The following PPME1 variants were observed in gnomAD, a reference collection of about 807,000 sequenced individuals.
PPME1 encodes testicular secretory protein Li 39.
In PPME1, 17 loss-of-function variants were observed where a neutral mutation model predicts 56.9. That is an observed-to-expected ratio of 0.30 (90% confidence interval 0.20 to 0.45). The LOEUF (loss-of-function observed/expected upper bound fraction) is 0.45. PPME1 is among the 20% of genes least tolerant of loss of function. PPME1 has a pLI of 1.00. For synonymous variants in PPME1, 122 were observed against 156.2 expected (o/e 0.78, Z 1.63); for missense variants, 357 against 483.2 (o/e 0.74, Z 2.45).
chr11:74,189,211 G>C (rs895841480), intron 1 of PPME1, among the ~76,000 whole-genome samples: 6 of 152,146 alleles, frequency 3.9e-5, no homozygotes, highest in African/African-American at 1.4e-4. Flanking sequence ...GCAATGTGGT[G>C]AGACCCTGTC....
intron 1 of PPME1, among the ~76,000 whole-genome samples, chr11:74,201,086 CT>C (rs1858150346): frequency 6.6e-6 from 1 of 152,056 alleles, no homozygotes; most frequent in Admixed American, 6.6e-5. Context: ...TGCCATTCTC[CT>C]GCCTCAGCCT....
Position 74,222,347 on chromosome 11 carries a change from A to G in PPME1, c.324A>G (p.Val108=). 1.2e-6 allele frequency: 2 copies of G among 1,612,068 alleles called. No homozygotes were observed. The highest frequency in any genetic ancestry group is 2.2e-5 in the East Asian group (1 of 44,864). The part of the protein sequence containing the change: ...AIISRVQCRI[V]ALDLRSHGET... ...TTAGTAGAGTTCAGTGTAGGATTGT[A>G]GCTTTGGATCTGCGAAGTCATGGTG... The change falls in exon 4 of 14, where the codon GTA becomes GTG. Residue 108 remains valine (V), a synonymous_variant. Transcript: ENST00000328257.
chr11:74,233,821 C>T (rs1208583174), intron 7 of PPME1, among the ~76,000 whole-genome samples: 3 of 151,884 alleles, frequency 2.0e-5, no homozygotes, highest in South Asian at 2.1e-4. Flanking sequence ...GACCTTGTCT[C>T]GAAACAAAAC....
chr11:74,183,864 A>G (rs771761433), intron 1 of PPME1, among the ~76,000 whole-genome samples: 1 of 152,182 alleles, frequency 6.6e-6, no homozygotes, highest in Non-Finnish European at 1.5e-5. Context: ...CTCAATAAAC[A>G]TTTGTTGAGT....
chr11:74,213,021 C>T (rs527449164), intron 3 of PPME1, among the ~76,000 whole-genome samples: 1 of 152,214 alleles, frequency 6.6e-6, no homozygotes, highest in East Asian at 1.9e-4. Context: ...GGGTAGAGCA[C>T]CAGGTGGACT....
At position 74,225,521 on chromosome 11, in the gene PPME1, T is replaced by C. The variant is rs79753679; in HGVS notation, c.398+265T>C. 3.5e-3 allele frequency among the ~76,000 whole-genome samples: 528 copies of C among 152,304 alleles called. 5 individuals are homozygous for C. The highest frequency in any genetic ancestry group is 0.012 in the African/African-American group (500 of 41,568). ...AAGGCACAGTTTAGTTTGTGAAGGCTTTTGAAAAGTTTTCTTCTGTTGATG... is the reference window on the plus strand; with the variant it reads ...AAGGCACAGTTTAGTTTGTGAAGGCCTTTGAAAAGTTTTCTTCTGTTGATG... On this transcript the variant is annotated intron_variant, in intron 5 of 13. Coordinates refer to ENST00000328257, the MANE Select transcript of PPME1 (RefSeq NM_016147.3).
At chr11:74,187,690 G>A (rs1208768845) in intron 1 of PPME1, among the ~76,000 whole-genome samples, 1 of 152,108 alleles carries the variant, frequency 6.6e-6, no homozygotes, top group East Asian at 1.9e-4. Flanking sequence ...ACAAGTCCAA[G>A]TTTAATCAAT....
At chr11:74,221,458 C>T (rs986908614) in intron 3 of PPME1, among the ~76,000 whole-genome samples, 5 of 152,072 alleles carry the variant, frequency 3.3e-5, no homozygotes, top group East Asian at 1.9e-4. Context: ...AAGAATCTGA[C>T]TTGTTTTGTG....
intron 1 of PPME1, among the ~76,000 whole-genome samples, chr11:74,201,368 T>TTTTC (rs144431634): frequency 0.1 from 15,766 of 152,130 alleles, 2,132 homozygotes; most frequent in African/African-American, 0.32. Context: ...AGGAAGTAAG[T>TTTTC]TTTAACTGGT....
chr11:74,176,096 A>G (rs1857394441), intron 1 of PPME1, among the ~76,000 whole-genome samples: 1 of 152,254 alleles, frequency 6.6e-6, no homozygotes, highest in South Asian at 2.1e-4. Context: ...ATACATAAAA[A>G]GCACTTATAG....
At chr11:74,238,269 C>A (rs1213356130) in intron 8 of PPME1, 8 of 151,942 alleles carry the variant, frequency 5.3e-5, no homozygotes, top group Non-Finnish European at 1.0e-4. Context: ...TGTGAACTTA[C>A]ACTTCACTGA....
intron 1 of PPME1, among the ~76,000 whole-genome samples, chr11:74,177,016 C>A (rs78873524): frequency 0.064 from 9,741 of 151,970 alleles, 761 homozygotes; most frequent in African/African-American, 0.19. Flanking sequence ...CAGGCATGAG[C>A]CAATTTTTTT....
At chr11:74,251,857 C>T (rs760499705) in intron 13 of PPME1, 142 bp downstream of exon 13, 20 of 1,023,770 alleles carry the variant, frequency 2.0e-5, no homozygotes, top group Non-Finnish European at 2.9e-5. Context: ...AGTGAAGAGC[C>T]TGGCATGTCT....
intron 3 of PPME1, among the ~76,000 whole-genome samples, chr11:74,207,588 A>C (rs1216971146): frequency 1.3e-5 from 2 of 152,240 alleles, no homozygotes; most frequent in Non-Finnish European, 2.9e-5. Context: ...ATATTCAATA[A>C]GTTAGTGATT....
At chr11:74,179,916 C>A (rs1857488510) in intron 1 of PPME1, among the ~76,000 whole-genome samples, 1 of 152,192 alleles carries the variant, frequency 6.6e-6, no homozygotes, top group Admixed American at 6.5e-5. Context: ...GCCTCCACTA[C>A]CAGACTCCTA....
Position 74,239,225 on chromosome 11 carries a change from T to C in PPME1, c.803T>C (p.Ile268Thr), listed in dbSNP as rs199836683. The C allele has an allele frequency of 9.5e-5, 153 of 1,613,274 alleles. No individual in the cohort carries two copies. The highest frequency in any genetic ancestry group is 3.3e-4 in the Middle Eastern group (2 of 6,076). Residue 268 changes from isoleucine (I) to threonine (T), a missense_variant, in exon 9 of 14, where the codon ATA becomes ACA. By Grantham distance (89) the Ile-to-Thr change is moderately conservative. This residue lies in a region of PPME1 where 182 missense variants were observed against 293.8 expected (regional missense o/e 0.62). Transcript: ENST00000328257. ...EEEDEEGSES[I>T]SKRKKEDDME... ...GAAGATGAGGAAGGAAGTGAGTCTA[T>C]AAGCAAGAGGAAAAAGGAAGATGAC...
chr11:74,217,394 T>C (rs910464793), intron 3 of PPME1, among the ~76,000 whole-genome samples: 4 of 151,690 alleles, frequency 2.6e-5, no homozygotes, highest in Admixed American at 1.3e-4. Context: ...ATACAAAAAT[T>C]AGCCAGACAT....
chr11:74,214,120 A>G (rs1300036340), intron 3 of PPME1, among the ~76,000 whole-genome samples: 4 of 152,250 alleles, frequency 2.6e-5, no homozygotes, highest in African/African-American at 4.8e-5. Flanking sequence ...AAATTTATCT[A>G]TAGATAAATT....
rs762486131 is a variant in PPME1, at chr11:74,251,711, C to T, written c.1138C>T (p.Gln380Ter). The T allele has an allele frequency of 5.6e-6, 9 of 1,613,952 alleles. No homozygotes were observed. Among genetic ancestry groups the T allele is most frequent in the East Asian group, 2.2e-5 (1 of 44,882 alleles). The change falls in exon 13 of 14, where the codon CAG (glutamine) becomes TAG (stop). Residue 380 changes from glutamine to a stop codon, truncating the protein, a stop_gained. Transcript: ENST00000328257. LOFTEE classifies it high-confidence loss of function. ...GTTTGCAGAACCCATCGGTGGATTC[C>T]AGTGGTAAGGCGGGTACAAGGGTTT... ...HRFAEPIGGF[Q>*]CVFPGC
Sources: allele counts gnomAD v4.1 joint callset (sites outside exome capture counted in the v4.1 genomes callset), GRCh38; gene constraint gnomAD v4.1.1; regional missense constraint gnomAD v4.1.1; transcripts MANE v1.5; gene names NCBI Gene and HGNC (gene_info 2026-07-23, HGNC 2026-07-21).